The following PIK3CB variants were observed in gnomAD, a reference collection of about 807,000 sequenced individuals.
PIK3CB encodes phosphatidylinositol-4,5-bisphosphate 3-kinase catalytic subunit beta, also known as phosphatidylinositol 4,5-bisphosphate 3-kinase catalytic subunit beta isoform.
Under a neutral mutation model 136.8 loss-of-function variants are expected in PIK3CB, and 39 were observed. The ratio of observed to expected loss-of-function variants is 0.29; its 90% CI spans 0.22 to 0.37. The LOEUF is 0.37. Ranked by LOEUF, PIK3CB falls within the 10% of genes least tolerant of loss-of-function variation. PIK3CB has a pLI of 1.00. For missense variants in PIK3CB, 868 were observed against 1,275.4 expected, an observed-to-expected ratio of 0.68 and a Z score of 4.87; for synonymous variants, 428 against 436.6, an observed-to-expected ratio of 0.98 and a Z score of 0.25.
intron 19 of PIK3CB, among the ~76,000 whole-genome samples, chr3:138,670,921 A>C (rs139914414): frequency 6.6e-6 from 1 of 152,306 alleles, no homozygotes; most frequent in East Asian, 1.9e-4. Context: ...GGAAAGTGTA[A>C]CTTGGAAAAA....
chr3:138,766,200 A>G (rs900727855), intron 2 of PIK3CB, among the ~76,000 whole-genome samples: 1 of 152,186 alleles, frequency 6.6e-6, no homozygotes, highest in Non-Finnish European at 1.5e-5. Context: ...CTAATGTTTG[A>G]CTATAAAACT....
At chr3:138,784,428 CTCTCGTCTCCGTCTCCG>C (rs2045952438) in intron 2 of PIK3CB, among the ~76,000 whole-genome samples, 1 of 151,936 alleles carries the variant, frequency 6.6e-6, no homozygotes, top group African/African-American at 2.4e-5. Context: ...CCCCCTCTCC[CTCTCGTCTCCGTCTCCG>C]TCTCCCACTT....
In PIK3CB at chr3:138,654,816, C is replaced by T. The variant is rs997321990; in HGVS notation, c.*573G>A. The T allele has an allele frequency of 4.7e-6, 1 of 212,212 alleles. No individual in the cohort carries two copies. The highest frequency in any genetic ancestry group is 2.3e-5 in the African/African-American group (1 of 44,246). 13.1% of individuals were successfully genotyped at this position (212,212 alleles called of 1,614,324 possible). A position where few individuals can be genotyped will look rare whatever the true frequency, so the allele number is the denominator to read the frequency against. On this transcript the variant is annotated 3_prime_UTR_variant, in exon 24 of 24. Coordinates refer to ENST00000674063, the MANE Select transcript of PIK3CB (RefSeq NM_006219.3). ...TTCAGCAAGTCTGGCTGGAATGATGCTATCATGGAAATAAATATTAACAAA... is the reference window on the plus strand; with the variant it reads ...TTCAGCAAGTCTGGCTGGAATGATGTTATCATGGAAATAAATATTAACAAA...
intron 3 of PIK3CB, among the ~76,000 whole-genome samples, chr3:138,757,478 AACACAC>A (rs146470519): frequency 0.029 from 3,987 of 136,338 alleles, 74 homozygotes; most frequent in African/African-American, 0.053. Flanking sequence ...GATACTATTA[AACACAC>A]ACACACACAC....
At chr3:138,730,422 C>G (rs957145238) in intron 8 of PIK3CB, among the ~76,000 whole-genome samples, 7 of 152,108 alleles carry the variant, frequency 4.6e-5, no homozygotes, top group African/African-American at 1.7e-4. Context: ...CAGAGAAATA[C>G]CAACCATAAA....
chr3:138,660,533 C>T (rs575023754), intron 21 of PIK3CB, among the ~76,000 whole-genome samples: 108 of 152,148 alleles, frequency 7.1e-4, no homozygotes, highest in African/African-American at 2.6e-3. Flanking sequence ...GTCTGCTAAT[C>T]CAGTAGAGAG....
At chr3:138,697,468 C>T (rs899495566) in intron 13 of PIK3CB, among the ~76,000 whole-genome samples, 1 of 150,486 alleles carries the variant, frequency 6.6e-6, no homozygotes, top group Admixed American at 6.6e-5. Context: ...CAGGGTCTCC[C>T]TCTGTCACCC....
chr3:138,710,504 A>C (rs1199703089), intron 10 of PIK3CB, among the ~76,000 whole-genome samples: 1 of 152,224 alleles, frequency 6.6e-6, no homozygotes, highest in Non-Finnish European at 1.5e-5. Context: ...GACAGGAAAA[A>C]AGAAAAAGAA....
At chr3:138,830,954 A>AATAATAAT (rs1559895937) in intron 1 of PIK3CB, among the ~76,000 whole-genome samples, 1 of 138,628 alleles carries the variant, frequency 7.2e-6, no homozygotes, top group African/African-American at 2.6e-5. Context: ...ATAATAATAA[A>AATAATAAT]GCAGGAACTC....
At chr3:138,799,016 G>A (rs1180113939) in intron 1 of PIK3CB, among the ~76,000 whole-genome samples, 2 of 151,760 alleles carry the variant, frequency 1.3e-5, no homozygotes, top group African/African-American at 2.4e-5. Context: ...GAGCCCATAA[G>A]TTCAAGACCA....
At chr3:138,726,418 T>C (rs1210338838) in intron 8 of PIK3CB, among the ~76,000 whole-genome samples, 1 of 152,190 alleles carries the variant, frequency 6.6e-6, no homozygotes, top group African/African-American at 2.4e-5. Flanking sequence ...ACTTACTCCA[T>C]TCTCTTGTAT....
chr3:138,758,968 A>G (rs2045620828), intron 3 of PIK3CB, among the ~76,000 whole-genome samples: 2 of 152,178 alleles, frequency 1.3e-5, no homozygotes, highest in South Asian at 4.1e-4. Context: ...TCAAAGACGA[A>G]CTCAAAAGAA....
chr3:138,677,992 G>C (rs577564706), intron 19 of PIK3CB, among the ~76,000 whole-genome samples: 1 of 152,286 alleles, frequency 6.6e-6, no homozygotes, highest in South Asian at 2.1e-4. Flanking sequence ...CTATATAAGA[G>C]CTGGGTATGG....
chr3:138,799,176 C>CTTTT (rs1157343453), intron 1 of PIK3CB, among the ~76,000 whole-genome samples: 6 of 130,968 alleles, frequency 4.6e-5, no homozygotes, highest in South Asian at 2.4e-4. Context: ...TCAAATCTTA[C>CTTTT]TTTTTTTTTT....
intron 12 of PIK3CB, among the ~76,000 whole-genome samples, chr3:138,700,692 AAGATAGAT>A (rs56054471): frequency 0.098 from 14,099 of 143,816 alleles, 761 homozygotes; most frequent in African/African-American, 0.13. Context: ...TGACTCTAAA[AAGATAGAT>A]AGATAGATAG....
At chr3:138,832,359 T>C (rs1450401649) in intron 1 of PIK3CB, among the ~76,000 whole-genome samples, 1 of 152,136 alleles carries the variant, frequency 6.6e-6, no homozygotes, top group Non-Finnish European at 1.5e-5. Flanking sequence ...TTAAGTCATT[T>C]TGGCTTTAGT....
intron 2 of PIK3CB, among the ~76,000 whole-genome samples, chr3:138,791,151 T>C (rs1453887449): frequency 6.6e-6 from 1 of 151,672 alleles, no homozygotes; most frequent in African/African-American, 2.4e-5. Context: ...GACCTCATGG[T>C]TGTTTTTTTT....
At chr3:138,792,507 G>C (rs533848722) in intron 2 of PIK3CB, among the ~76,000 whole-genome samples, 2 of 152,096 alleles carry the variant, frequency 1.3e-5, no homozygotes, top group African/African-American at 2.4e-5. Context: ...CCAAGTAGGC[G>C]GAACTGCAGG....
At chr3:138,764,385 A>T (rs551090700) in intron 2 of PIK3CB, among the ~76,000 whole-genome samples, 4 of 151,738 alleles carry the variant, frequency 2.6e-5, no homozygotes, top group Non-Finnish European at 4.4e-5. Context: ...CAGGAGGCTG[A>T]GGCTGCAGTG....
Sources: gnomAD v4.1 joint callset for allele counts (sites outside exome capture counted in the v4.1 genomes callset) on GRCh38, gnomAD v4.1.1 for gene constraint, MANE v1.5 for transcripts, NCBI Gene and HGNC (gene_info 2026-07-23, HGNC 2026-07-21) for gene names.